SYTL3: variants seen among roughly 807,000 people sequenced by gnomAD.
SYTL3 encodes synaptotagmin-like protein 3.
A neutral mutation model predicts 82.1 loss-of-function variants in SYTL3; 88 were observed. That is an observed-to-expected ratio of 1.07 (90% CI 0.90 to 1.28). The LOEUF (loss-of-function observed/expected upper bound fraction) is 1.28, where lower values mean the gene tolerates loss of function less well. SYTL3 is among the 50% of genes most tolerant of loss of function. The pLI is 0.00. For synonymous variants in SYTL3, 311 were observed against 289.4 expected, an observed-to-expected ratio of 1.07 and a Z score of -0.76; for missense variants, 831 against 757.6, an observed-to-expected ratio of 1.10 and a Z score of -1.14.
chr6:158,755,828 G>A (rs1294271368), intron 13 of SYTL3, among the ~76,000 whole-genome samples: 5 of 152,170 alleles, frequency 3.3e-5, no homozygotes, highest in Non-Finnish European at 7.3e-5. Flanking sequence ...CGGAGTGGGG[G>A]CAGCATGGGC....
At chr6:158,681,986 G>T (rs1778745585) in intron 5 of SYTL3, among the ~76,000 whole-genome samples, 1 of 152,206 alleles carries the variant, frequency 6.6e-6, no homozygotes, top group Non-Finnish European at 1.5e-5. Context: ...ACCCAGGCTG[G>T]AGTGCAATGG....
chr6:158,756,717 AAATTTTTTTTT>A (rs1789129644), intron 13 of SYTL3, among the ~76,000 whole-genome samples: 2 of 53,210 alleles, frequency 3.8e-5, no homozygotes, highest in South Asian at 7.4e-4. Flanking sequence ...TCTCAAAAAA[AAATTTTTTTTT>A]TTTTTTTTTT....
Position 158,763,427 on chromosome 6 carries a change from G to C in SYTL3, c.1641G>C (p.Gln547His), listed in dbSNP as rs1257752527. 6.2e-7 allele frequency: 1 copy of C among 1,614,236 alleles called. No homozygotes were observed. Reference sequence around the variant, plus strand: ...GCGTAACCCCAGCTCAGCTGAGGCAGTCAAGCTTGGAGTTAACTGTCTGGG... The same window carrying C: ...GCGTAACCCCAGCTCAGCTGAGGCACTCAAGCTTGGAGTTAACTGTCTGGG... ...FSGVTPAQLRQSSLELTVWDQ... is the reference protein window; with the variant it reads ...FSGVTPAQLRHSSLELTVWDQ... The change falls in exon 17 of 18, where the codon CAG (glutamine) becomes CAC (histidine). Residue 547 changes from glutamine (Q) to histidine (H), a missense_variant. Gln to His is a conservative substitution (Grantham distance 24). Coordinates refer to ENST00000611299, the MANE Select transcript of SYTL3 (RefSeq NM_001242394.2).
intron 11 of SYTL3, among the ~76,000 whole-genome samples, chr6:158,731,374 G>A (rs564575518): frequency 2.0e-5 from 3 of 151,630 alleles, no homozygotes; most frequent in African/African-American, 7.3e-5. Context: ...TGGGGACCAC[G>A]TCCTCATCAA....
intron 6 of SYTL3, among the ~76,000 whole-genome samples, chr6:158,698,740 A>G (rs1189743795): frequency 1.3e-5 from 2 of 152,178 alleles, no homozygotes; most frequent in Non-Finnish European, 2.9e-5. Flanking sequence ...ATTGATTGTG[A>G]TGATTGTTTA....
intron 6 of SYTL3, among the ~76,000 whole-genome samples, chr6:158,705,572 G>T (rs184965158): frequency 4.3e-4 from 64 of 148,390 alleles, no homozygotes; most frequent in African/African-American, 1.6e-3. Context: ...AGCGGGGGGG[G>T]ACCTGGGGGC....
intron 6 of SYTL3, among the ~76,000 whole-genome samples, chr6:158,697,023 C>T (rs192056175): frequency 1.3e-5 from 2 of 151,656 alleles, no homozygotes; most frequent in East Asian, 3.9e-4. Flanking sequence ...TCTTAGTTAC[C>T]TTATTTCACT....
intron 13 of SYTL3, among the ~76,000 whole-genome samples, chr6:158,756,609 G>T (rs1032350780): frequency 6.6e-6 from 1 of 151,746 alleles, no homozygotes; most frequent in Non-Finnish European, 1.5e-5. Context: ...CTACTCAGGA[G>T]GCTAAGGCAG....
At chr6:158,682,218 C>T (rs1199286353) in intron 5 of SYTL3, among the ~76,000 whole-genome samples, 9 of 152,088 alleles carry the variant, frequency 5.9e-5, no homozygotes, top group East Asian at 1.9e-4. Context: ...GGATTACAGG[C>T]GTGAGCCACC....
At chr6:158,671,803 A>G (rs1777415496) in intron 5 of SYTL3, among the ~76,000 whole-genome samples, 1 of 151,668 alleles carries the variant, frequency 6.6e-6, no homozygotes, top group South Asian at 2.1e-4. Flanking sequence ...TATTTTTATA[A>G]TTATTATCTA....
chr6:158,703,011 A>T (rs1310098068), intron 6 of SYTL3, among the ~76,000 whole-genome samples: 1 of 151,776 alleles, frequency 6.6e-6, no homozygotes, highest in East Asian at 1.9e-4. Context: ...AAAATTAGCC[A>T]GGTGTGGTGG....
chr6:158,700,824 G>A (rs189425546), intron 6 of SYTL3, among the ~76,000 whole-genome samples: 118 of 152,144 alleles, frequency 7.8e-4, no homozygotes, highest in African/African-American at 2.7e-3. Context: ...CACTGTGTTA[G>A]CCAGGATGGT....
At chr6:158,651,542 C>T (rs1260613533) in intron 1 of SYTL3, among the ~76,000 whole-genome samples, 2 of 151,980 alleles carry the variant, frequency 1.3e-5, no homozygotes, top group African/African-American at 2.4e-5. Flanking sequence ...GAGCTGAGAT[C>T]GCGCCACTGC....
chr6:158,764,351 G>A, intron 17 of SYTL3, 144 bp from the exon 18 acceptor site: 1 of 618,058 alleles, frequency 1.6e-6, no homozygotes, highest in Non-Finnish European at 2.9e-6. Context: ...GGGAGTGGTG[G>A]TGGCGGCGTC....
At chr6:158,722,417 A>G (rs547732021) in intron 10 of SYTL3, among the ~76,000 whole-genome samples, 4 of 152,146 alleles carry the variant, frequency 2.6e-5, no homozygotes, top group Non-Finnish European at 4.4e-5. Context: ...CCACCTTAAA[A>G]TCACGCGGTG....
chr6:158,660,802 T>G (rs1351376731), intron 2 of SYTL3, among the ~76,000 whole-genome samples: 1 of 152,132 alleles, frequency 6.6e-6, no homozygotes, highest in Admixed American at 6.5e-5. Context: ...TGCAGTGGCT[T>G]ACACCTGTAA....
intron 11 of SYTL3, among the ~76,000 whole-genome samples, chr6:158,727,460 C>T (rs56116336): frequency 0.049 from 7,462 of 151,896 alleles, 227 homozygotes; most frequent in Non-Finnish European, 0.063. Context: ...CATGAGCCAC[C>T]GCACCCGGCC....
intron 5 of SYTL3, among the ~76,000 whole-genome samples, chr6:158,667,529 G>A (rs1790221058): frequency 6.6e-6 from 1 of 151,956 alleles, no homozygotes; most frequent in Non-Finnish European, 1.5e-5. Context: ...TCCTCTTTAG[G>A]ACCAAAAGAA....
chr6:158,680,439 T>C (rs1465717415), intron 5 of SYTL3, among the ~76,000 whole-genome samples: 2 of 152,104 alleles, frequency 1.3e-5, no homozygotes, highest in African/African-American at 4.8e-5. Flanking sequence ...AATGACTGAT[T>C]ACCAAAATTC....
Sources: gnomAD v4.1 joint callset for allele counts (sites outside exome capture counted in the v4.1 genomes callset) on GRCh38, gnomAD v4.1.1 for gene constraint, MANE v1.5 for transcripts, NCBI Gene and HGNC (gene_info 2026-07-23, HGNC 2026-07-21) for gene names.